GLIS1: variants seen among roughly 807,000 people sequenced by gnomAD.
GLIS1 encodes GLIS family zinc finger 1, also known as zinc finger protein GLIS1.
Under a neutral mutation model 63.8 loss-of-function variants are expected in GLIS1, and 24 were observed. The observed-to-expected ratio is 0.38, with a 90% CI of 0.27 to 0.53. The LOEUF is 0.53. GLIS1 is among the 20% of genes least tolerant of loss of function. The pLI, the probability that GLIS1 is intolerant of heterozygous loss-of-function variation, is 0.85. For missense variants in GLIS1, 1,036 were observed against 1,074.1 expected, an observed-to-expected ratio of 0.96 and a Z score of 0.50; for synonymous variants, 450 against 482.5, an observed-to-expected ratio of 0.93 and a Z score of 0.88.
intron 2 of GLIS1, among the ~76,000 whole-genome samples, chr1:53,715,654 C>G (rs968254290): frequency 2.6e-4 from 39 of 152,148 alleles, no homozygotes; most frequent in Admixed American, 8.5e-4. Context: ...GAGGCAGGGA[C>G]GCCAGCAGGG....
intron 7 of GLIS1, among the ~76,000 whole-genome samples, chr1:53,515,114 TGTGTG>T (rs768311349): frequency 6.7e-6 from 1 of 148,372 alleles, no homozygotes; most frequent in Non-Finnish European, 1.5e-5. Context: ...TGTGTGTGTG[TGTGTG>T]TTCTGAGATG....
intron 4 of GLIS1, among the ~76,000 whole-genome samples, chr1:53,546,706 A>T (rs1179324220): frequency 6.6e-6 from 1 of 152,166 alleles, no homozygotes; most frequent in African/African-American, 2.4e-5. Context: ...TGCTGCTATC[A>T]TTCTCTTCTG....
chr1:53,582,911 G>A (rs1413766851), intron 4 of GLIS1, among the ~76,000 whole-genome samples: 1 of 152,218 alleles, frequency 6.6e-6, no homozygotes, highest in Non-Finnish European at 1.5e-5. Flanking sequence ...GCAGGTAGAA[G>A]GGGTACTGGG....
At chr1:53,545,755 G>C (rs566155613) in intron 4 of GLIS1, among the ~76,000 whole-genome samples, 2 of 152,190 alleles carry the variant, frequency 1.3e-5, no homozygotes, top group South Asian at 4.1e-4. Context: ...AAAATTTACA[G>C]TGGGCAGCGT....
At chr1:53,593,429 G>A (rs904136127) in intron 4 of GLIS1, among the ~76,000 whole-genome samples, 20 of 152,204 alleles carry the variant, frequency 1.3e-4, no homozygotes, top group Admixed American at 9.2e-4. Flanking sequence ...GTTAATATGC[G>A]CGTGTGTGTG....
intron 2 of GLIS1, among the ~76,000 whole-genome samples, chr1:53,697,706 G>A (rs549978000): frequency 1.6e-4 from 24 of 152,258 alleles, no homozygotes; most frequent in Admixed American, 4.6e-4. Context: ...GCATATACTC[G>A]GTGCGGACAC....
chr1:53,643,617 G>T, intron 2 of GLIS1, among the ~76,000 whole-genome samples: 1 of 152,194 alleles, frequency 6.6e-6, no homozygotes, highest in East Asian at 1.9e-4. Context: ...TCAAGCTGTG[G>T]CTTACTAGCT....
intron 2 of GLIS1, among the ~76,000 whole-genome samples, chr1:53,658,164 T>C (rs1645987174): frequency 6.6e-6 from 1 of 152,218 alleles, no homozygotes; most frequent in African/African-American, 2.4e-5. Context: ...CACTGCTCCC[T>C]GGCATCTGCT....
chr1:53,628,138 CCCTTGCTGTGCCTTGCTGTG>C (rs58550904), intron 2 of GLIS1, among the ~76,000 whole-genome samples: 1 of 151,418 alleles, frequency 6.6e-6, no homozygotes, highest in African/African-American at 2.4e-5. Flanking sequence ...CCTTGCTGTG[CCCTTGCTGTGCCTTGCTGTG>C]CCTTGCTGTA....
At chr1:53,727,766 C>T (rs1444785311) in intron 2 of GLIS1, among the ~76,000 whole-genome samples, 1 of 152,188 alleles carries the variant, frequency 6.6e-6, no homozygotes, top group Non-Finnish European at 1.5e-5. Context: ...CCCCCAGGGT[C>T]ACTAGCAATC....
At chr1:53,673,456 G>T (rs1319900964) in intron 2 of GLIS1, among the ~76,000 whole-genome samples, 1 of 152,206 alleles carries the variant, frequency 6.6e-6, no homozygotes, top group Admixed American at 6.5e-5. Flanking sequence ...CCCTGACTAC[G>T]CTCAGCAGCT....
At chr1:53,549,297 C>T (rs1307188178) in intron 4 of GLIS1, among the ~76,000 whole-genome samples, 1 of 152,202 alleles carries the variant, frequency 6.6e-6, no homozygotes, top group Admixed American at 6.5e-5. Context: ...TTGCTCTATA[C>T]CTAGGAGAGA....
At chr1:53,633,020 G>C (rs1645680674) in intron 2 of GLIS1, among the ~76,000 whole-genome samples, 1 of 149,086 alleles carries the variant, frequency 6.7e-6, no homozygotes, top group African/African-American at 2.5e-5. Context: ...GAATGAGTGT[G>C]ACCGAGGGGC....
At chr1:53,663,940 C>T (rs201281150) in intron 2 of GLIS1, among the ~76,000 whole-genome samples, 1 of 151,942 alleles carries the variant, frequency 6.6e-6, no homozygotes, top group Admixed American at 6.6e-5. Context: ...AAAGACTAGC[C>T]GGGGGGCTCT....
At chr1:53,665,001 G>C (rs1013892849) in intron 2 of GLIS1, among the ~76,000 whole-genome samples, 16 of 152,108 alleles carry the variant, frequency 1.1e-4, no homozygotes, top group African/African-American at 3.9e-4. Context: ...GGGGCGAGGG[G>C]GGCACTGCTG....
intron 10 of GLIS1, among the ~76,000 whole-genome samples, chr1:53,508,474 G>A (rs1644260837): frequency 6.6e-6 from 1 of 152,202 alleles, no homozygotes; most frequent in African/African-American, 2.4e-5. Context: ...AGGCTGTTTT[G>A]AGGGTGGGTC....
In GLIS1 at chr1:53,509,191, C is replaced by A; in HGVS notation, c.2159G>T (p.Gly720Val). The A allele has an allele frequency of 6.3e-7, 1 of 1,599,964 alleles. No homozygotes were observed. The change falls in exon 10 of 11, where the codon GGG becomes GTG. Residue 720 changes from glycine to valine, a missense_variant. Gly to Val is a moderately radical substitution (Grantham distance 109). This residue lies in a region of GLIS1 where 400 missense variants were observed against 400.9 expected (regional missense o/e 1.00). Coordinates refer to ENST00000628545, the MANE Select transcript of GLIS1 (RefSeq NM_001367484.1). ...CAGGGGGTTGAAACCGTGGGTCTCC[C>A]CGACCAGTCCGTCCCCACCGGCTGC... ...EPAAGGDGLV[G>V]ETHGFNPLRP... is the part of the protein sequence containing the mutation.
chr1:53,534,348 G>A (rs1194875188), intron 4 of GLIS1, among the ~76,000 whole-genome samples: 1 of 152,036 alleles, frequency 6.6e-6, no homozygotes, highest in Non-Finnish European at 1.5e-5. Flanking sequence ...GAGTGCCACT[G>A]GGGCGGGGCC....
At chr1:53,670,301 C>T (rs1325149413) in intron 2 of GLIS1, among the ~76,000 whole-genome samples, 1 of 152,184 alleles carries the variant, frequency 6.6e-6, no homozygotes, top group African/African-American at 2.4e-5. Flanking sequence ...TTTTTAAAAC[C>T]TTTTGGACTA....
Sources: gnomAD v4.1 joint callset for allele counts (sites outside exome capture counted in the v4.1 genomes callset) on GRCh38, gnomAD v4.1.1 for gene constraint, gnomAD v4.1.1 regional missense constraint, MANE v1.5 for transcripts, NCBI Gene and HGNC (gene_info 2026-07-23, HGNC 2026-07-21) for gene names.